The following C9orf72 variants were observed in gnomAD, a reference collection of about 807,000 sequenced individuals.
The protein encoded by C9orf72 is guanine nucleotide exchange factor C9orf72.
In C9orf72, 44 loss-of-function variants were observed where a neutral mutation model predicts 51.6. That is an observed-to-expected ratio of 0.85 (90% confidence interval 0.67 to 1.10). The LOEUF (loss-of-function observed/expected upper bound fraction) is 1.10. C9orf72 is among the 50% of genes least tolerant of loss of function. The pLI, the probability that C9orf72 is intolerant of heterozygous loss-of-function variation, is 0.00. For synonymous variants in C9orf72, 213 were observed against 194.2 expected (o/e 1.10, Z -0.81); for missense variants, 607 against 570.6 (o/e 1.06, Z -0.65).
At chr9:27,564,785 G>A (rs1819428251) in intron 3 of C9orf72, among the ~76,000 whole-genome samples, 1 of 152,052 alleles carries the variant, frequency 6.6e-6, no homozygotes, top group Non-Finnish European at 1.5e-5. Context: ...GTTTTACAAG[G>A]AGCATTGAGG....
chr9:27,563,234 C>T (rs1317353864), intron 3 of C9orf72, among the ~76,000 whole-genome samples: 12 of 151,578 alleles, frequency 7.9e-5, no homozygotes, highest in Admixed American at 3.3e-4. Flanking sequence ...CAGAAAAATT[C>T]CCTTTAGAGC....
At chr9:27,558,828 G>T in intron 6 of C9orf72, 1 of 416,526 alleles carries the variant, frequency 2.4e-6, no homozygotes, top group South Asian at 3.0e-5. Context: ...TTTACTGTAT[G>T]GCATCTCAAA....
chr9:27,569,368 G>A (rs1225627803), intron 1 of C9orf72, among the ~76,000 whole-genome samples: 2 of 152,152 alleles, frequency 1.3e-5, no homozygotes, highest in African/African-American at 2.4e-5. Flanking sequence ...GACTCACCCA[G>A]AGCAACTTCT....
At chr9:27,571,721 G>A (rs747435603) in intron 1 of C9orf72, among the ~76,000 whole-genome samples, 4 of 152,118 alleles carry the variant, frequency 2.6e-5, no homozygotes, top group Non-Finnish European at 2.9e-5. Flanking sequence ...CAAAGCTCTG[G>A]CATTACAGGT....
intron 8 of C9orf72, among the ~76,000 whole-genome samples, chr9:27,554,034 T>A (rs1820961063): frequency 6.6e-6 from 1 of 152,168 alleles, no homozygotes; most frequent in South Asian, 2.1e-4. Context: ...GGCAAGGTTG[T>A]GGAGAAAAGG....
intron 8 of C9orf72, among the ~76,000 whole-genome samples, chr9:27,551,573 G>A (rs937714176): frequency 2.6e-5 from 4 of 152,212 alleles, no homozygotes; most frequent in Non-Finnish European, 4.4e-5. Context: ...ATGTGTAGAA[G>A]CAAACAGGAA....
At chr9:27,573,148 C>A (rs1413288289) in intron 1 of C9orf72, among the ~76,000 whole-genome samples, 8 of 152,192 alleles carry the variant, frequency 5.3e-5, no homozygotes, top group African/African-American at 1.9e-4. Context: ...GGGAAGGAGA[C>A]AGCTCGGGTA....
intron 3 of C9orf72, among the ~76,000 whole-genome samples, chr9:27,564,084 G>C (rs1819412828): frequency 7.2e-6 from 1 of 139,654 alleles, no homozygotes; most frequent in Admixed American, 7.5e-5. Context: ...AGCATACATA[G>C]TATTTCATTC....
At chr9:27,548,884 C>G (rs972618028) in intron 9 of C9orf72, among the ~76,000 whole-genome samples, 1 of 150,324 alleles carries the variant, frequency 6.7e-6, no homozygotes, top group Non-Finnish European at 1.5e-5. Flanking sequence ...CTAGCTCTGT[C>G]ACCAGGCTAA....
Position 27,548,341 on chromosome 9 carries a change from T to G in C9orf72, c.1341A>C (p.Ile447=). The change falls in exon 11 of 11, where the codon ATA becomes ATC. Residue 447 remains isoleucine (I), a synonymous_variant. Coordinates refer to ENST00000380003, the MANE Select transcript of C9orf72 (RefSeq NM_018325.5). ...TAATTTTCTCAGCCAGAGCCATTAT[T>G]ATGTTAAGATCGCCCTCTGCTGTTA... is the stretch of plus-strand genomic sequence containing the variant. ...LDLTAEGDLN[I]IMALAEKIKP... is the part of the protein sequence containing the mutation. The G allele has an allele frequency of 6.2e-7, 1 of 1,612,252 alleles. No individual in the cohort carries two copies. Among genetic ancestry groups the G allele is most frequent in the Non-Finnish European group, 8.5e-7 (1 of 1,179,496 alleles).
intron 8 of C9orf72, among the ~76,000 whole-genome samples, chr9:27,553,310 T>G (rs1820945857): frequency 6.6e-6 from 1 of 152,100 alleles, no homozygotes; most frequent in Non-Finnish European, 1.5e-5. Context: ...ATTAGCCGAT[T>G]TTATACTAAA....
chr9:27,570,690 A>T (rs1418091198), intron 1 of C9orf72, among the ~76,000 whole-genome samples: 2 of 151,918 alleles, frequency 1.3e-5, no homozygotes, highest in Non-Finnish European at 2.9e-5. Flanking sequence ...ACATGGTGAA[A>T]CCCCACCTCT....
intron 1 of C9orf72, among the ~76,000 whole-genome samples, chr9:27,570,636 C>T (rs1819566202): frequency 6.6e-6 from 1 of 152,028 alleles, no homozygotes; most frequent in African/African-American, 2.4e-5. Context: ...TAGGCCGAGG[C>T]AGGTGGATCA....
Position 27,556,743 on chromosome 9 carries a change from A to G in C9orf72, c.909T>C (p.Tyr303=). The change falls in exon 8 of 11, where the codon TAT becomes TAC. Residue 303 remains tyrosine, a synonymous_variant. Coordinates refer to ENST00000380003, the MANE Select transcript of C9orf72 (RefSeq NM_018325.5). ...LPFRQVMYAP[Y]PTTHIDVDVN... The stretch of plus-strand genomic sequence containing the variant: ...CATCCACATCTATGTGTGTGGTGGG[A>G]TATGGAGCATACATGACTTGCCGGA... 1 of 1,614,042 alleles carries G rather than the reference A, an allele frequency of 6.2e-7. No homozygotes were observed. The highest frequency in any genetic ancestry group is 8.5e-7 in the Non-Finnish European group (1 of 1,179,908).
At chr9:27,556,038 G>C (rs1213184630) in intron 8 of C9orf72, among the ~76,000 whole-genome samples, 1 of 144,648 alleles carries the variant, frequency 6.9e-6, no homozygotes, top group African/African-American at 2.6e-5. Context: ...TGAATTTACT[G>C]TTCAGGCTTT....
At position 27,566,978 on chromosome 9, in the gene C9orf72, T is replaced by C; in HGVS notation, c.143A>G (p.Lys48Arg). The C allele has an allele frequency of 1.2e-6, 2 of 1,614,150 alleles. No individual in the cohort carries two copies. The highest frequency in any genetic ancestry group is 2.2e-5 in the South Asian group (2 of 91,086). Residue 48 changes from lysine to arginine, a missense_variant, in exon 2 of 11, where the codon AAG becomes AGG. Transcript: ENST00000380003. ...ATCACTGAGAAGTACCTGTTCTGTC[T>C]TTGGAGCCCAAATGTGCCTTACTCT... ...GPRVRHIWAP[K>R]TEQVLLSDGE...
chr9:27,569,276 T>A (rs1819536417), intron 1 of C9orf72, among the ~76,000 whole-genome samples: 1 of 152,206 alleles, frequency 6.6e-6, no homozygotes, highest in African/African-American at 2.4e-5. Context: ...ATAAATTTGG[T>A]GTAGCTTCAG....
intron 5 of C9orf72, chr9:27,561,079 C>A (rs1299053374): frequency 3.0e-5 from 6 of 200,992 alleles, no homozygotes; most frequent in Non-Finnish European, 5.3e-5. Context: ...ACTATTATTG[C>A]CATTTTACAG....
intron 5 of C9orf72, chr9:27,560,500 A>C (rs1409314167): frequency 1.5e-6 from 1 of 665,834 alleles, no homozygotes; most frequent in Non-Finnish European, 2.2e-6. Flanking sequence ...TTTCTTATTG[A>C]GCCTTAAAAC....
Sources: allele counts gnomAD v4.1 joint callset (sites outside exome capture counted in the v4.1 genomes callset), GRCh38; gene constraint gnomAD v4.1.1; transcripts MANE v1.5; gene names NCBI Gene and HGNC (gene_info 2026-07-23, HGNC 2026-07-21).